The following MCTP2 variants were observed in gnomAD, a reference collection of about 807,000 sequenced individuals.
MCTP2 encodes multiple C2 and transmembrane domain containing 2.
MCTP2 carries 132 observed loss-of-function variants against 111.6 expected under a neutral mutation model. The observed-to-expected ratio is 1.18, with a 90% confidence interval of 1.03 to 1.37. MCTP2 has a LOEUF of 1.37. MCTP2 is among the 40% of genes most tolerant of loss of function. MCTP2 has a pLI of 0.00. For missense variants in MCTP2, 1,183 were observed against 1,067.9 expected, an observed-to-expected ratio of 1.11 and a Z score of -1.50; for synonymous variants, 395 against 387.7, an observed-to-expected ratio of 1.02 and a Z score of -0.22.
intron 16 of MCTP2, among the ~76,000 whole-genome samples, chr15:94,400,946 T>C (rs2081556189): frequency 6.6e-6 from 1 of 152,246 alleles, no homozygotes; most frequent in Admixed American, 6.5e-5. Flanking sequence ...ATTTATTTTG[T>C]GTAATCTGAG....
intron 4 of MCTP2, among the ~76,000 whole-genome samples, chr15:94,319,325 C>T (rs916851519): frequency 9.2e-5 from 14 of 152,190 alleles, no homozygotes; most frequent in Admixed American, 2.6e-4. Flanking sequence ...TACAGCGTCA[C>T]TTTTCAATAC....
intron 17 of MCTP2, chr15:94,402,962 C>G (rs575215844): frequency 9.1e-5 from 93 of 1,023,876 alleles, no homozygotes; most frequent in Middle Eastern, 4.7e-4. Context: ...TCTCTCTTAG[C>G]CAACAGGCAT....
rs546094849 is a variant in MCTP2 at position 94,324,227 on chromosome 15, G to A, written c.637+8590G>A. ...CAGGCCTGGCTTGAACTTCAGCCTT[G>A]CGATATGGGCAGGTCTCTCGTCCTG... is the stretch of plus-strand genomic sequence containing the variant. On this transcript the variant is annotated intron_variant, in intron 4 of 22. Transcript: ENST00000357742. Among the ~76,000 whole-genome samples the A allele has an allele frequency of 3.9e-5, 6 of 152,350 alleles. 1 individual carries two copies. In the South Asian group the frequency reaches 1.2e-3, roughly 32 times the overall value.
intron 21 of MCTP2, among the ~76,000 whole-genome samples, chr15:94,475,009 G>A (rs185687831): frequency 2.4e-4 from 37 of 152,168 alleles, no homozygotes; most frequent in African/African-American, 7.2e-4. Flanking sequence ...CTGCCTTGCC[G>A]TTCATTGTGA....
At chr15:94,322,252 G>A (rs1301038892) in intron 4 of MCTP2, among the ~76,000 whole-genome samples, 1 of 151,970 alleles carries the variant, frequency 6.6e-6, no homozygotes, top group East Asian at 1.9e-4. Flanking sequence ...CCATGGAGGA[G>A]CAGCAGCTTT....
intron 4 of MCTP2, among the ~76,000 whole-genome samples, chr15:94,339,041 G>A (rs188205458): frequency 2.0e-5 from 3 of 152,186 alleles, no homozygotes; most frequent in East Asian, 3.9e-4. Context: ...TAGTATAGGA[G>A]TGACCTACCC....
At chr15:94,246,103 C>T (rs1432191260) in intron 1 of MCTP2, among the ~76,000 whole-genome samples, 2 of 152,056 alleles carry the variant, frequency 1.3e-5, no homozygotes, top group Non-Finnish European at 2.9e-5. Flanking sequence ...TCACTTTTAT[C>T]TCTGTTCCTC....
At chr15:94,388,686 T>C (rs1009365224) in intron 14 of MCTP2, among the ~76,000 whole-genome samples, 1 of 152,204 alleles carries the variant, frequency 6.6e-6, no homozygotes, top group African/African-American at 2.4e-5. Context: ...AACTAGCAAG[T>C]TCTGTGCCTT....
intron 1 of MCTP2, among the ~76,000 whole-genome samples, chr15:94,289,914 G>A (rs1434587571): frequency 6.6e-6 from 1 of 152,122 alleles, no homozygotes; most frequent in African/African-American, 2.4e-5. Context: ...AGTAACATGA[G>A]CCCTTAAAAG....
intron 2 of MCTP2, among the ~76,000 whole-genome samples, chr15:94,300,435 G>T (rs905216032): frequency 2.0e-5 from 3 of 151,358 alleles, no homozygotes; most frequent in Admixed American, 6.6e-5. Context: ...GCATGAACGC[G>T]GGAGGTAGAA....
At chr15:94,354,268 A>G (rs1001463109) in intron 8 of MCTP2, among the ~76,000 whole-genome samples, 5 of 152,084 alleles carry the variant, frequency 3.3e-5, no homozygotes, top group African/African-American at 1.2e-4. Flanking sequence ...TTTTAAGAGA[A>G]AAGTCACATG....
At chr15:94,433,762 A>T (rs1161844654) in intron 17 of MCTP2, among the ~76,000 whole-genome samples, 2 of 152,194 alleles carry the variant, frequency 1.3e-5, no homozygotes, top group Non-Finnish European at 2.9e-5. Flanking sequence ...TCAACACTTT[A>T]TATTACCAGT....
In MCTP2 at chr15:94,257,569, G is replaced by GTTTTTTT. The variant is rs760633548; in HGVS notation, c.-66+25934_-66+25940dup. ...AATATTTGTTGTCATTTTCTTTGTT[G>GTTTTTTT]TTTTTTTTTTTTTTTTTTTTTTTTT... On this transcript the variant is annotated intron_variant, in intron 1 of 22. Coordinates refer to ENST00000357742, the MANE Select transcript of MCTP2 (RefSeq NM_001385001.1). 6.1e-3 allele frequency among the ~76,000 whole-genome samples: 207 copies of GTTTTTTT among 33,740 alleles called. 42 individuals are homozygous for GTTTTTTT. The highest frequency in any genetic ancestry group is 7.5e-3 in the Non-Finnish European group (136 of 18,232). 22.1% of individuals were successfully genotyped at this position (33,740 alleles called of 152,430 possible).
intron 17 of MCTP2, among the ~76,000 whole-genome samples, chr15:94,435,112 G>GT (rs1202084074): frequency 6.6e-6 from 1 of 152,056 alleles, no homozygotes; most frequent in African/African-American, 2.4e-5. Flanking sequence ...TGATCCACCT[G>GT]TGTTGGCCTC....
chr15:94,254,346 G>T (rs1051894894), intron 1 of MCTP2, among the ~76,000 whole-genome samples: 1 of 152,174 alleles, frequency 6.6e-6, no homozygotes, highest in African/African-American at 2.4e-5. Context: ...TAAGGTATAA[G>T]CACAGATGTT....
chr15:94,457,863 G>A (rs973152342), intron 19 of MCTP2, among the ~76,000 whole-genome samples: 17 of 152,154 alleles, frequency 1.1e-4, no homozygotes, highest in African/African-American at 2.7e-4. Context: ...CAGCCTCCAC[G>A]GGGAAGTGAA....
At chr15:94,323,457 T>G (rs1425546585) in intron 4 of MCTP2, among the ~76,000 whole-genome samples, 1 of 152,220 alleles carries the variant, frequency 6.6e-6, no homozygotes, top group Non-Finnish European at 1.5e-5. Context: ...CTGAGAAGTT[T>G]GGATCAGGTA....
At chr15:94,361,948 G>A (rs997267696) in intron 10 of MCTP2, among the ~76,000 whole-genome samples, 2 of 152,152 alleles carry the variant, frequency 1.3e-5, no homozygotes, top group Non-Finnish European at 2.9e-5. Context: ...TGCCCCGTAG[G>A]CCCCTCCTCC....
chr15:94,245,190 A>T (rs1377008144), intron 1 of MCTP2, among the ~76,000 whole-genome samples: 2 of 144,508 alleles, frequency 1.4e-5, no homozygotes, highest in African/African-American at 5.0e-5. Context: ...TTATACACAC[A>T]TATGTATGTA....
Sources: gnomAD v4.1 joint callset for allele counts (sites outside exome capture counted in the v4.1 genomes callset) on GRCh38, gnomAD v4.1.1 for gene constraint, MANE v1.5 for transcripts, NCBI Gene and HGNC (gene_info 2026-07-23, HGNC 2026-07-21) for gene names.